Variants in MAP2 observed in about 807,000 individuals in gnomAD.
MAP2 encodes the protein microtubule-associated protein 2.
In MAP2, 14 loss-of-function variants were observed where a neutral mutation model predicts 137.6. The observed-to-expected ratio is 0.10, with a 90% CI of 0.07 to 0.16. The LOEUF (loss-of-function observed/expected upper bound fraction) is 0.16, where lower values mean the gene tolerates loss of function less well. Ranked by LOEUF, MAP2 falls within the 10% of genes least tolerant of loss-of-function variation. MAP2 has a pLI of 1.00. For synonymous variants in MAP2, 786 were observed against 782.3 expected (o/e 1.00, Z -0.08); for missense variants, 2,088 against 2,191.5 (o/e 0.95, Z 0.94).
At chr2:209,528,886 GTATA>G (rs556581315) in intron 2 of MAP2, among the ~76,000 whole-genome samples, 1 of 138,850 alleles carries the variant, frequency 7.2e-6, no homozygotes, top group Admixed American at 7.5e-5. Flanking sequence ...ATATATGTGT[GTATA>G]TACATATATA....
intron 1 of MAP2, among the ~76,000 whole-genome samples, chr2:209,484,605 G>A (rs1229930744): frequency 3.3e-5 from 5 of 152,128 alleles, no homozygotes; most frequent in African/African-American, 9.7e-5. Context: ...CAGGAGAATC[G>A]CTTGAACCCG....
chr2:209,692,643 A>G lies in MAP2; in HGVS notation c.473A>G (p.Lys158Arg). The G allele has an allele frequency of 8.2e-6, 13 of 1,582,876 alleles. No homozygotes were observed. Among genetic ancestry groups the G allele is most frequent in the Non-Finnish European group, 1.1e-5 (13 of 1,169,824 alleles). Reference protein sequence around the residue: ...TVEEDLLTASKMEFHDQQELT... With the variant: ...TVEEDLLTASRMEFHDQQELT... Reference sequence around the variant, plus strand: ...ACTTCAGATTTACTTACAGCCTCGAAGATGGAGTTCCACGATCAACAGGAA... The same window carrying G: ...ACTTCAGATTTACTTACAGCCTCGAGGATGGAGTTCCACGATCAACAGGAA... The change falls in exon 8 of 16, where the codon AAG becomes AGG. Residue 158 changes from lysine to arginine, a missense_variant. Around this residue, in one of 6 missense-constraint regions of MAP2, gnomAD observed 859 missense variants for 794.5 expected, o/e 1.08. Transcript: ENST00000682079.
At chr2:209,451,408 C>T (rs1355761767) in intron 1 of MAP2, among the ~76,000 whole-genome samples, 1 of 152,136 alleles carries the variant, frequency 6.6e-6, no homozygotes, top group African/African-American at 2.4e-5. Flanking sequence ...CCCTTCCCTC[C>T]ATGCCCTGCT....
At chr2:209,651,823 C>T (rs1582223467) in intron 4 of MAP2, among the ~76,000 whole-genome samples, 1 of 152,110 alleles carries the variant, frequency 6.6e-6, no homozygotes, top group Non-Finnish European at 1.5e-5. Context: ...ATAGAGAGAG[C>T]GGAGGATAGC....
intron 1 of MAP2, among the ~76,000 whole-genome samples, chr2:209,425,379 C>G (rs191317522): frequency 2.0e-5 from 3 of 152,078 alleles, no homozygotes; most frequent in African/African-American, 7.2e-5. Flanking sequence ...GTATAATACA[C>G]TATATACATG....
chr2:209,627,796 C>T (rs542189897), intron 4 of MAP2, among the ~76,000 whole-genome samples: 9 of 152,142 alleles, frequency 5.9e-5, no homozygotes, highest in Non-Finnish European at 1.3e-4. Context: ...AGTGATACCA[C>T]TAAATGTGAC....
chr2:209,581,938 T>C (rs1419552458), intron 3 of MAP2, among the ~76,000 whole-genome samples: 1 of 152,062 alleles, frequency 6.6e-6, no homozygotes, highest in African/African-American at 2.4e-5. Flanking sequence ...AATGAGTTTA[T>C]TAAAATAGTA....
At chr2:209,717,175 A>G (rs527628165) in intron 13 of MAP2, among the ~76,000 whole-genome samples, 1 of 152,304 alleles carries the variant, frequency 6.6e-6, no homozygotes, top group Admixed American at 6.5e-5. Flanking sequence ...AAGAGGTTTA[A>G]TTGACTCACA....
chr2:209,706,258 G>T (rs1032994011), intron 12 of MAP2, among the ~76,000 whole-genome samples: 3 of 152,032 alleles, frequency 2.0e-5, no homozygotes, highest in African/African-American at 7.2e-5. Context: ...GAACTGATTG[G>T]CAATTGTAAC....
At chr2:209,627,676 A>G (rs1167040393) in intron 4 of MAP2, among the ~76,000 whole-genome samples, 1 of 152,128 alleles carries the variant, frequency 6.6e-6, no homozygotes, top group African/African-American at 2.4e-5. Flanking sequence ...TCATGCCACT[A>G]ATATTTATTG....
intron 5 of MAP2, among the ~76,000 whole-genome samples, chr2:209,667,415 G>A (rs2046819695): frequency 6.6e-6 from 1 of 151,814 alleles, no homozygotes; most frequent in Non-Finnish European, 1.5e-5. Flanking sequence ...AAAAGTGACT[G>A]ATAAACTAGC....
At chr2:209,449,090 ATTT>A (rs1699763569) in intron 1 of MAP2, among the ~76,000 whole-genome samples, 1 of 152,078 alleles carries the variant, frequency 6.6e-6, no homozygotes, top group Non-Finnish European at 1.5e-5. Context: ...TTCGCACATG[ATTT>A]TTTTCTAGGC....
intron 4 of MAP2, among the ~76,000 whole-genome samples, chr2:209,641,334 T>C (rs1487142179): frequency 3.3e-5 from 5 of 152,206 alleles, no homozygotes; most frequent in Non-Finnish European, 5.9e-5. Flanking sequence ...ACAAAATACA[T>C]TATTTATCCA....
At chr2:209,665,168 G>A (rs941041625) in intron 5 of MAP2, among the ~76,000 whole-genome samples, 1 of 152,062 alleles carries the variant, frequency 6.6e-6, no homozygotes, top group African/African-American at 2.4e-5. Flanking sequence ...GAAATTGGGA[G>A]TGAGAGTTGG....
intron 1 of MAP2, among the ~76,000 whole-genome samples, chr2:209,441,671 A>G (rs542974612): frequency 1.3e-5 from 2 of 151,742 alleles, no homozygotes; most frequent in South Asian, 4.1e-4. Context: ...TCTATGCACA[A>G]GTCACGAATG....
chr2:209,526,644 C>T (rs2064104520), intron 2 of MAP2, among the ~76,000 whole-genome samples: 1 of 148,154 alleles, frequency 6.7e-6, no homozygotes, highest in African/African-American at 2.5e-5. Flanking sequence ...TGAAAACTAA[C>T]CAAACAGTGT....
chr2:209,692,382 AAT>A (rs955025509), intron 7 of MAP2, among the ~76,000 whole-genome samples: 2 of 151,970 alleles, frequency 1.3e-5, no homozygotes, highest in African/African-American at 4.8e-5. Context: ...AATATCCAGA[AAT>A]ATACTGTTCT....
intron 3 of MAP2, among the ~76,000 whole-genome samples, chr2:209,594,246 T>C (rs1483250967): frequency 6.6e-6 from 1 of 151,968 alleles, no homozygotes; most frequent in East Asian, 1.9e-4. Flanking sequence ...GTTTTAGTTC[T>C]GCCTGGATTT....
At position 209,513,156 on chromosome 2, in the gene MAP2, A is replaced by T. The variant is rs372025637; in HGVS notation, c.-172+5515A>T. ...GGAGAGGCGGATGTTCTTAATGTCT[A>T]ACCAGTAAGCTTCAGTGCTTTGAGC... is the stretch of plus-strand genomic sequence containing the variant. On this transcript the variant is annotated intron_variant, in intron 2 of 15. Coordinates refer to ENST00000682079, the MANE Select transcript of MAP2 (RefSeq NM_001375505.1). Among the ~76,000 whole-genome samples, 10 of 152,272 alleles carry T rather than the reference A, an allele frequency of 6.6e-5. No homozygotes were observed. The South Asian group carries it at 2.1e-3, about 32-fold the overall frequency.
Sources: gnomAD v4.1 joint callset for allele counts (sites outside exome capture counted in the v4.1 genomes callset) on GRCh38, gnomAD v4.1.1 for gene constraint, gnomAD v4.1.1 regional missense constraint, MANE v1.5 for transcripts, NCBI Gene and HGNC (gene_info 2026-07-23, HGNC 2026-07-21) for gene names.